DOCK2: variants seen among roughly 807,000 people sequenced by gnomAD.
DOCK2 encodes the protein dedicator of cytokinesis 2.
A neutral mutation model predicts 248.9 loss-of-function variants in DOCK2; 87 were observed. The ratio of observed to expected loss-of-function variants is 0.35; its 90% CI spans 0.29 to 0.42. The LOEUF (loss-of-function observed/expected upper bound fraction) is 0.42. DOCK2 is among the 10% of genes least tolerant of loss of function. DOCK2 has a pLI of 1.00. For synonymous variants in DOCK2, 805 were observed against 821.6 expected (o/e 0.98, Z 0.35); for missense variants, 1,747 against 2,300.2 (o/e 0.76, Z 4.92).
chr5:169,913,199 C>T (rs1014765288), intron 27 of DOCK2, among the ~76,000 whole-genome samples: 1 of 152,190 alleles, frequency 6.6e-6, no homozygotes, highest in African/African-American at 2.4e-5. Context: ...TCGGAATGTG[C>T]TATTGAAGTT....
chr5:169,715,143 A>G (rs1209679825), intron 19 of DOCK2, among the ~76,000 whole-genome samples: 2 of 152,194 alleles, frequency 1.3e-5, no homozygotes, highest in Non-Finnish European at 2.9e-5. Context: ...AAAACAATGC[A>G]AATGTCAGAT....
At chr5:169,804,069 G>A (rs577268455) in intron 26 of DOCK2, among the ~76,000 whole-genome samples, 1 of 152,250 alleles carries the variant, frequency 6.6e-6, no homozygotes, top group African/African-American at 2.4e-5. Flanking sequence ...TGTGAGCATT[G>A]CCCCTTTCTC....
chr5:169,652,367 G>A (rs1052986886), intron 1 of DOCK2, among the ~76,000 whole-genome samples: 1 of 152,182 alleles, frequency 6.6e-6, no homozygotes, highest in African/African-American at 2.4e-5. Flanking sequence ...GGAAAAGACA[G>A]AACTGGCCTC....
chr5:169,753,430 A>G (rs1198426636), intron 23 of DOCK2, among the ~76,000 whole-genome samples: 1 of 141,048 alleles, frequency 7.1e-6, no homozygotes, highest in Non-Finnish European at 1.5e-5. Context: ...TCTCCCACTT[A>G]TGAGCGAGAA....
chr5:169,978,702 G>A (rs919426182), intron 27 of DOCK2, among the ~76,000 whole-genome samples: 2 of 151,930 alleles, frequency 1.3e-5, no homozygotes, highest in East Asian at 1.9e-4. Context: ...CCTACGTCCC[G>A]AAGGGCTGAA....
intron 36 of DOCK2, among the ~76,000 whole-genome samples, chr5:170,038,827 G>A (rs555007495): frequency 6.6e-6 from 1 of 152,276 alleles, no homozygotes; most frequent in Admixed American, 6.5e-5. Flanking sequence ...GAAAGTAGCA[G>A]GGAAGCTCTC....
intron 27 of DOCK2, among the ~76,000 whole-genome samples, chr5:169,862,563 T>C (rs1771272078): frequency 6.6e-6 from 1 of 152,256 alleles, no homozygotes; most frequent in East Asian, 1.9e-4. Context: ...AAATGTGGCT[T>C]CTTAAGTATG....
intron 27 of DOCK2, among the ~76,000 whole-genome samples, chr5:169,979,704 T>A (rs1581500322): frequency 6.6e-6 from 1 of 152,194 alleles, no homozygotes; most frequent in African/African-American, 2.4e-5. Flanking sequence ...TGTCCAAACT[T>A]CAGTCACATT....
intron 27 of DOCK2, among the ~76,000 whole-genome samples, chr5:169,901,786 A>G (rs951348803): frequency 1.3e-5 from 2 of 152,248 alleles, no homozygotes; most frequent in South Asian, 2.1e-4. Flanking sequence ...AGGCTTTCCC[A>G]GAGCCAAATG....
chr5:169,760,986 C>A (rs1474631231), intron 24 of DOCK2, among the ~76,000 whole-genome samples: 1 of 152,148 alleles, frequency 6.6e-6, no homozygotes, highest in South Asian at 2.1e-4. Context: ...CAAACTGGTT[C>A]TAATCCACAA....
chr5:169,824,842 C>T (rs1288134277), intron 26 of DOCK2, among the ~76,000 whole-genome samples: 2 of 152,160 alleles, frequency 1.3e-5, no homozygotes, highest in African/African-American at 2.4e-5. Context: ...AGGCAACCTA[C>T]AGAATGGGAG....
intron 8 of DOCK2, 98 bp downstream of exon 8, chr5:169,684,448 G>A: frequency 1.4e-6 from 2 of 1,451,696 alleles, no homozygotes; most frequent in East Asian, 2.3e-5. Context: ...ATCTCCACCT[G>A]GAAAAGAGAC....
chr5:169,749,464 T>A (rs1763789869), intron 23 of DOCK2, among the ~76,000 whole-genome samples: 1 of 152,168 alleles, frequency 6.6e-6, no homozygotes, highest in Admixed American at 6.5e-5. Context: ...CAATGATTAG[T>A]GTGTCTTCAA....
At position 169,741,033 on chromosome 5, in the gene DOCK2, C is replaced by T. The variant is rs186674734; in HGVS notation, c.2268-6363C>T. Among the ~76,000 whole-genome samples, 4 of 152,200 alleles carry T rather than the reference C, an allele frequency of 2.6e-5. No individual in the cohort carries two copies. In the East Asian group the frequency reaches 7.7e-4, roughly 29 times the overall value. ...GTATTTTTTTGTGGAGACATTTTCC[C>T]AGGTTGGTCTTGAACTCCTAGGCTC... On this transcript the variant is annotated intron_variant, in intron 22 of 51. Transcript: ENST00000520908.
chr5:169,808,101 T>A (rs969423961), intron 26 of DOCK2, among the ~76,000 whole-genome samples: 3 of 152,114 alleles, frequency 2.0e-5, no homozygotes, highest in African/African-American at 7.2e-5. Flanking sequence ...TCTGGATTTT[T>A]CTCCTGGTTG....
chr5:169,727,941 G>T (rs1364076795), intron 22 of DOCK2, among the ~76,000 whole-genome samples: 1 of 152,200 alleles, frequency 6.6e-6, no homozygotes, highest in Non-Finnish European at 1.5e-5. Context: ...GAGATAGAAA[G>T]CAAGAGATGG....
At chr5:169,713,694 T>C (rs1561627708) in intron 17 of DOCK2, among the ~76,000 whole-genome samples, 1 of 152,222 alleles carries the variant, frequency 6.6e-6, no homozygotes, top group African/African-American at 2.4e-5. Flanking sequence ...GTCCTTATTT[T>C]GCTGGTGAGC....
chr5:169,721,046 T>C (rs1762175403), intron 22 of DOCK2, among the ~76,000 whole-genome samples: 1 of 152,198 alleles, frequency 6.6e-6, no homozygotes, highest in African/African-American at 2.4e-5. Flanking sequence ...ATGTCTTACG[T>C]CTGTTAGTTT....
At chr5:169,744,169 T>C (rs1029401027) in intron 22 of DOCK2, among the ~76,000 whole-genome samples, 10 of 152,122 alleles carry the variant, frequency 6.6e-5, no homozygotes, top group African/African-American at 2.4e-4. Flanking sequence ...GCTGAGAACA[T>C]AGAAGAAGAA....
Sources: gnomAD v4.1 joint callset for allele counts (sites outside exome capture counted in the v4.1 genomes callset) on GRCh38, gnomAD v4.1.1 for gene constraint, MANE v1.5 for transcripts, NCBI Gene and HGNC (gene_info 2026-07-23, HGNC 2026-07-21) for gene names.